ABHD18: variants seen among roughly 807,000 people sequenced by gnomAD.
ABHD18 encodes abhydrolase domain containing 18, also known as cardiolipin-specific deacylase, mitochondrial.
ABHD18 carries 55 observed loss-of-function variants against 65.9 expected under a neutral mutation model. The ratio of observed to expected loss-of-function variants is 0.84; its 90% confidence interval spans 0.67 to 1.05. The LOEUF is 1.05. Among genes scored for constraint, ABHD18 ranks in the 50% least tolerant of loss-of-function variants. The probability of loss-of-function intolerance (pLI) is 0.00; values close to 1 mark genes in which losing one functional copy is unlikely to be tolerated. For synonymous variants in ABHD18, 181 were observed against 180.2 expected, an observed-to-expected ratio of 1.00 and a Z score of -0.04; for missense variants, 533 against 558.5, an observed-to-expected ratio of 0.95 and a Z score of 0.46.
At chr4:127,984,277 A>AC (rs1749583678) in intron 2 of ABHD18, 62 bp from the exon 3 acceptor site, 1 of 910,524 alleles carries the variant, frequency 1.1e-6, no homozygotes. Flanking sequence ...CTCAATTATA[A>AC]TGTGCTTAGT....
chr4:128,025,664 G>T (rs990563313), intron 10 of ABHD18, among the ~76,000 whole-genome samples: 1 of 152,074 alleles, frequency 6.6e-6, no homozygotes, highest in African/African-American at 2.4e-5. Context: ...CTGAGTCAAG[G>T]GTATAATAAT....
At chr4:127,982,333 G>T (rs1220882180) in intron 1 of ABHD18, among the ~76,000 whole-genome samples, 1 of 152,134 alleles carries the variant, frequency 6.6e-6, no homozygotes, top group Non-Finnish European at 1.5e-5. Flanking sequence ...AAATACTTGA[G>T]AAGATAGATA....
intron 4 of ABHD18, chr4:128,001,848 T>G: frequency 1.8e-6 from 2 of 1,114,902 alleles, no homozygotes; most frequent in South Asian, 4.1e-5. Context: ...TTTGTTTTGT[T>G]TTTTTTTTTA....
chr4:128,012,015 T>G (rs141426519), intron 7 of ABHD18, among the ~76,000 whole-genome samples: 3,949 of 151,960 alleles, frequency 0.026, 154 homozygotes, highest in African/African-American at 0.091. Context: ...AGTCATTCTG[T>G]CACCCAGTCT....
intron 1 of ABHD18, 108 bp from the exon 2 acceptor site, chr4:127,982,831 G>A (rs766623139): frequency 1.8e-4 from 102 of 575,510 alleles, no homozygotes; most frequent in African/African-American, 2.5e-4. Context: ...GAATTAATTC[G>A]TCTCAATCTT....
chr4:128,029,059 A>G lies in ABHD18; in HGVS notation c.1180+206A>G, dbSNP rs145137593. On this transcript the variant is annotated intron_variant, in intron 11 of 12. Transcript: ENST00000645843. ...TTAAGATTATCTTATTCATTAAGAA[A>G]CACACTGGACAGCCGGGTGTGGTTG... is the stretch of plus-strand genomic sequence containing the variant. Among the ~76,000 whole-genome samples, 196 of 152,200 alleles carry G rather than the reference A, an allele frequency of 1.3e-3. 1 individual carries two copies. The highest frequency in any genetic ancestry group is 4.9e-3 in the Admixed American group (75 of 15,264).
intron 4 of ABHD18, among the ~76,000 whole-genome samples, chr4:127,992,257 A>C (rs1381217585): frequency 6.6e-6 from 1 of 152,136 alleles, no homozygotes; most frequent in Non-Finnish European, 1.5e-5. Flanking sequence ...GGATCACCTG[A>C]CATCAGGAGT....
chr4:128,024,943 C>T (rs1371700008), intron 10 of ABHD18, among the ~76,000 whole-genome samples: 3 of 152,114 alleles, frequency 2.0e-5, no homozygotes, highest in Admixed American at 1.3e-4. Context: ...CCTCCCACCT[C>T]GGCCTTCCAA....
intron 6 of ABHD18, 43 bp from the exon 7 acceptor site, chr4:128,011,630 T>C: frequency 6.8e-7 from 1 of 1,479,836 alleles, no homozygotes; most frequent in Non-Finnish European, 9.1e-7. Context: ...CAAACAAAAT[T>C]ATTTAATTAT....
intron 1 of ABHD18, among the ~76,000 whole-genome samples, chr4:127,979,645 G>A (rs866756214): frequency 6.6e-6 from 1 of 152,192 alleles, no homozygotes; most frequent in Non-Finnish European, 1.5e-5. Flanking sequence ...GCCGGGCGCA[G>A]TGGCTCACAC....
chr4:128,007,638 G>A (rs913908524), intron 4 of ABHD18, among the ~76,000 whole-genome samples: 1 of 151,752 alleles, frequency 6.6e-6, no homozygotes, highest in Non-Finnish European at 1.5e-5. Context: ...CTACTTGGGA[G>A]GCTGAAGTGG....
chr4:128,004,441 G>T (rs1216410127), intron 4 of ABHD18, among the ~76,000 whole-genome samples: 2 of 150,808 alleles, frequency 1.3e-5, no homozygotes, highest in African/African-American at 4.9e-5. Flanking sequence ...AACAGAGCAA[G>T]ACTCCATCTC....
At chr4:128,008,158 A>G (rs1292386844) in intron 4 of ABHD18, among the ~76,000 whole-genome samples, 18 of 147,724 alleles carry the variant, frequency 1.2e-4, no homozygotes, top group Admixed American at 1.2e-3. Context: ...GCTACTCAGG[A>G]GGCTGAGGCA....
At chr4:128,030,827 C>T in intron 12 of ABHD18, 155 bp downstream of exon 12, 3 of 1,376,650 alleles carry the variant, frequency 2.2e-6, no homozygotes, top group Middle Eastern at 5.0e-4. Flanking sequence ...GTTACTTTTC[C>T]CTCTTTCCTA....
chr4:128,009,035 T>C (rs1348340259), intron 5 of ABHD18, 37 bp downstream of exon 5: 1 of 1,590,292 alleles, frequency 6.3e-7, no homozygotes, highest in East Asian at 2.2e-5. Context: ...CTCTAGATAA[T>C]TTGTTAACAT....
In ABHD18 at chr4:128,017,430, G is replaced by A; in HGVS notation, c.538G>A (p.Ala180Thr). 1 of 1,613,592 alleles carries A rather than the reference G, an allele frequency of 6.2e-7. No individual in the cohort carries two copies. The highest frequency in any genetic ancestry group is 8.5e-7 in the Non-Finnish European group (1 of 1,179,634). The change falls in exon 8 of 13, where the codon GCT becomes ACT. Residue 180 changes from alanine to threonine, a missense_variant. By Grantham distance (58) the Ala-to-Thr change is moderately conservative. Transcript: ENST00000645843. Reference sequence around the variant, plus strand: ...AGGAGCTCTTGTTTTAGAATCTGCAGCTCTCTTGCACTGGCTAGAGAGGGA... The same window carrying A: ...AGGAGCTCTTGTTTTAGAATCTGCAACTCTCTTGCACTGGCTAGAGAGGGA... ...MGGALVLESA[A>T]LLHWLEREGY... is the part of the protein sequence containing the mutation.
intron 11 of ABHD18, 52 bp from the exon 12 acceptor site, chr4:128,030,458 T>C: frequency 7.8e-7 from 1 of 1,286,004 alleles, no homozygotes; most frequent in Non-Finnish European, 1.0e-6. Flanking sequence ...TTGTGTGGGT[T>C]TTTTTATTTT....
intron 1 of ABHD18, among the ~76,000 whole-genome samples, chr4:127,967,002 A>C (rs1429414420): frequency 6.6e-6 from 1 of 152,154 alleles, no homozygotes; most frequent in Non-Finnish European, 1.5e-5. Context: ...ACAGCTCACA[A>C]AAACAAGTCA....
intron 1 of ABHD18, among the ~76,000 whole-genome samples, chr4:127,974,416 C>T (rs1217173553): frequency 1.3e-5 from 2 of 151,736 alleles, no homozygotes; most frequent in Non-Finnish European, 2.9e-5. Flanking sequence ...GTCACCCTGG[C>T]CTGGAGTGCA....
Sources: gnomAD v4.1 joint callset for allele counts (sites outside exome capture counted in the v4.1 genomes callset) on GRCh38, gnomAD v4.1.1 for gene constraint, MANE v1.5 for transcripts, NCBI Gene and HGNC (gene_info 2026-07-23, HGNC 2026-07-21) for gene names.